Variants in FERRY3 observed in about 807,000 individuals in gnomAD.
FERRY3 encodes the protein FERRY endosomal RAB5 effector complex subunit 3.
At chr12:4,494,127 C>T in the FERRY3 span, among the ~76,000 whole-genome samples, 13 of 151,974 alleles carry the variant, frequency 8.6e-5, no homozygotes, top group East Asian at 1.9e-4. Context: ...TCTACCGCTA[C>T]GGAGCAATGC....
the FERRY3 span, among the ~76,000 whole-genome samples, chr12:4,528,729 C>A: frequency 1.3e-5 from 2 of 152,128 alleles, no homozygotes; most frequent in African/African-American, 4.8e-5. Flanking sequence ...TTATTAAATA[C>A]ATTTCCTTAT....
the FERRY3 span, among the ~76,000 whole-genome samples, chr12:4,514,713 G>A: frequency 6.9e-6 from 1 of 144,940 alleles, no homozygotes; most frequent in African/African-American, 2.6e-5. Context: ...CATGGACACA[G>A]GAAGGGGAAT....
the FERRY3 span, among the ~76,000 whole-genome samples, chr12:4,516,124 A>T: frequency 1.3e-5 from 2 of 152,200 alleles, no homozygotes; most frequent in Non-Finnish European, 2.9e-5. Flanking sequence ...ATATGACATA[A>T]AAAGGTGTGT....
At chr12:4,533,051 T>C in the FERRY3 span, among the ~76,000 whole-genome samples, 1 of 152,240 alleles carries the variant, frequency 6.6e-6, no homozygotes, top group African/African-American at 2.4e-5. Flanking sequence ...AATCTTTTTA[T>C]ACCTACTGCC....
the FERRY3 span, chr12:4,508,752 AAAG>A: frequency 3.3e-5 from 5 of 152,204 alleles, no homozygotes; most frequent in African/African-American, 9.7e-5. Context: ...TCAAAAAAAA[AAAG>A]GAGAAATAAT....
the FERRY3 span, among the ~76,000 whole-genome samples, chr12:4,501,030 T>A: frequency 6.6e-6 from 1 of 152,248 alleles, no homozygotes; most frequent in African/African-American, 2.4e-5. Flanking sequence ...TCTCAACTTA[T>A]GAGACCAATC....
At chr12:4,519,019 C>A in the FERRY3 span, 1 of 507,490 alleles carries the variant, frequency 2.0e-6, no homozygotes, top group East Asian at 3.4e-5. This position sits in a 1 kb window ranked among gnomAD's most constrained non-coding sequence, Gnocchi z 4.3. Flanking sequence ...TCCATGGTGA[C>A]AAGTAAGACA....
chr12:4,504,070 T>G, the FERRY3 span, among the ~76,000 whole-genome samples: 5 of 152,180 alleles, frequency 3.3e-5, no homozygotes, highest in Non-Finnish European at 7.4e-5. Context: ...GCTAACATTA[T>G]CCACTAAGAT....
the FERRY3 span, among the ~76,000 whole-genome samples, chr12:4,523,420 G>T: frequency 2.0e-5 from 3 of 152,120 alleles, no homozygotes; most frequent in African/African-American, 7.2e-5. Context: ...CAAGGATCTA[G>T]AACTAGAAAT....
At chr12:4,525,900 C>T in the FERRY3 span, among the ~76,000 whole-genome samples, 1 of 152,288 alleles carries the variant, frequency 6.6e-6, no homozygotes, top group South Asian at 2.1e-4. Flanking sequence ...CTCTGGACCC[C>T]TTTTCACCTG....
chr12:4,519,871 T>G, the FERRY3 span, among the ~76,000 whole-genome samples: 1 of 152,152 alleles, frequency 6.6e-6, no homozygotes, highest in South Asian at 2.1e-4. The surrounding 1 kb of genome is among the most constrained non-coding windows in gnomAD (Gnocchi z 4.3). Flanking sequence ...TCTCCAGCTC[T>G]CCTGGAAAAA....
the FERRY3 span, chr12:4,518,951 T>C: frequency 9.7e-7 from 1 of 1,033,582 alleles, no homozygotes; most frequent in East Asian, 2.9e-5. Context: ...AGCTTTATAA[T>C]GAGAGAAAAC....
At chr12:4,528,896 T>TACAC in the FERRY3 span, among the ~76,000 whole-genome samples, 2,202 of 131,526 alleles carry the variant, frequency 0.017, 20 homozygotes, top group South Asian at 0.051. Context: ...TTAAATCAGT[T>TACAC]ACACACACAC....
chr12:4,491,149 TG>T, the FERRY3 span: 2 of 1,607,412 alleles, frequency 1.2e-6, no homozygotes, highest in Non-Finnish European at 1.7e-6. Context: ...ATACAGGTGG[TG>T]GTTGTCAGAG....
the FERRY3 span, among the ~76,000 whole-genome samples, chr12:4,523,757 A>G: frequency 6.6e-6 from 1 of 152,182 alleles, no homozygotes; most frequent in Admixed American, 6.5e-5. Flanking sequence ...AGAATTGAAC[A>G]ATGAGAACAC....
chr12:4,508,390 C>T, the FERRY3 span, among the ~76,000 whole-genome samples: 3 of 152,120 alleles, frequency 2.0e-5, no homozygotes, highest in African/African-American at 7.2e-5. Context: ...ACAAACAGCC[C>T]CAATTTTAAA....
the FERRY3 span, among the ~76,000 whole-genome samples, chr12:4,513,667 G>T: frequency 1.3e-5 from 2 of 152,136 alleles, no homozygotes; most frequent in Admixed American, 6.5e-5. Context: ...TTAATAAATG[G>T]TGCTGGGAAA....
the FERRY3 span, among the ~76,000 whole-genome samples, chr12:4,524,550 A>C: frequency 1.1e-4 from 17 of 152,212 alleles, no homozygotes; most frequent in Admixed American, 9.2e-4. Flanking sequence ...CATTATACAA[A>C]TAAAATGCTA....
the FERRY3 span, among the ~76,000 whole-genome samples, chr12:4,504,027 T>A: frequency 6.6e-6 from 1 of 152,230 alleles, no homozygotes; most frequent in African/African-American, 2.4e-5. Flanking sequence ...TGGTCTCCTG[T>A]TCCACACAGT....
Sources: allele counts gnomAD v4.1 joint callset (sites outside exome capture counted in the v4.1 genomes callset), GRCh38; gene constraint gnomAD v4.1.1; non-coding constraint Gnocchi (gnomAD v3.1); transcripts MANE v1.5; gene names NCBI Gene and HGNC (gene_info 2026-07-23, HGNC 2026-07-21).